The following CNTNAP2 variants were observed in gnomAD, a reference collection of about 807,000 sequenced individuals.
CNTNAP2 encodes the protein contactin associated protein 2.
Under a neutral mutation model 155.2 loss-of-function variants are expected in CNTNAP2, and 98 were observed. The observed-to-expected ratio is 0.63, with a 90% confidence interval of 0.54 to 0.75. The LOEUF (loss-of-function observed/expected upper bound fraction) is 0.75, where lower values mean the gene tolerates loss of function less well. Ranked by LOEUF, CNTNAP2 falls within the 30% of genes least tolerant of loss-of-function variation. The pLI is 0.00. For missense variants in CNTNAP2, 1,727 were observed against 1,688.1 expected, an observed-to-expected ratio of 1.02 and a Z score of -0.40; for synonymous variants, 651 against 631.2, an observed-to-expected ratio of 1.03 and a Z score of -0.47.
In CNTNAP2 at chr7:147,781,711, C is replaced by T. The variant is rs1451753478; in HGVS notation, c.2099-121854C>T. Among the ~76,000 whole-genome samples the T allele has an allele frequency of 3.3e-5, 5 of 152,136 alleles. No individual in the cohort carries two copies. The East Asian group carries it at 9.6e-4, about 29-fold the overall frequency. ...CTAAAAGCTTACTAGTCAAGGAAGC[C>T]TTTCATGCACCTGATAGAATCCTCC... is the stretch of plus-strand genomic sequence containing the variant. On this transcript the variant is annotated intron_variant, in intron 13 of 23. Coordinates refer to ENST00000361727, the MANE Select transcript of CNTNAP2 (RefSeq NM_014141.6).
intron 4 of CNTNAP2, among the ~76,000 whole-genome samples, chr7:147,067,822 T>C (rs1449594255): frequency 1.3e-5 from 2 of 152,248 alleles, no homozygotes; most frequent in Non-Finnish European, 2.9e-5. Context: ...CCTAATCCTC[T>C]CGATTCGCAT....
intron 8 of CNTNAP2, among the ~76,000 whole-genome samples, chr7:147,228,475 ATTAATCTTG>A (rs1159244156): frequency 2.0e-5 from 3 of 152,138 alleles, no homozygotes; most frequent in Non-Finnish European, 4.4e-5. Flanking sequence ...AGCAAGGACA[ATTAATCTTG>A]TTAAAAGAGG....
intron 10 of CNTNAP2, among the ~76,000 whole-genome samples, chr7:147,472,831 A>C (rs1425712817): frequency 1.3e-5 from 2 of 152,216 alleles, no homozygotes; most frequent in African/African-American, 4.8e-5. Context: ...ATTAGAGAAT[A>C]ACATCCAAAG....
chr7:147,283,425 C>T (rs566254075), intron 8 of CNTNAP2, among the ~76,000 whole-genome samples: 109 of 151,850 alleles, frequency 7.2e-4, no homozygotes, highest in African/African-American at 2.5e-3. Context: ...TTCATTTTAA[C>T]TAGAGGGATG....
intron 1 of CNTNAP2, among the ~76,000 whole-genome samples, chr7:146,596,625 GA>G (rs1270979959): frequency 2.7e-5 from 4 of 149,362 alleles, no homozygotes; most frequent in Non-Finnish European, 5.9e-5. Context: ...GAGAGAGAGA[GA>G]GAGAGAGAGA....
At chr7:147,142,645 A>G (rs1451070194) in intron 8 of CNTNAP2, among the ~76,000 whole-genome samples, 14 of 152,160 alleles carry the variant, frequency 9.2e-5, no homozygotes, top group African/African-American at 3.4e-4. Flanking sequence ...TTTCAGAAGG[A>G]ATGGCACCAG....
At chr7:146,989,561 A>G (rs1798173325) in intron 3 of CNTNAP2, among the ~76,000 whole-genome samples, 2 of 152,102 alleles carry the variant, frequency 1.3e-5, no homozygotes, top group African/African-American at 2.4e-5. Flanking sequence ...AAAAGCTATT[A>G]TACATGATCA....
intron 21 of CNTNAP2, among the ~76,000 whole-genome samples, chr7:148,283,259 GAA>G (rs371469453): frequency 2.6e-5 from 1 of 39,144 alleles, no homozygotes; most frequent in Non-Finnish European, 4.5e-5. Context: ...AAAAAAAAAA[GAA>G]AGAAAGAAAG....
At chr7:147,461,289 A>G (rs1311921996) in intron 10 of CNTNAP2, among the ~76,000 whole-genome samples, 1 of 152,210 alleles carries the variant, frequency 6.6e-6, no homozygotes, top group East Asian at 1.9e-4. Flanking sequence ...ACAAACCCCT[A>G]AAAACAAACA....
Position 146,352,905 on chromosome 7 carries a change from C to T in CNTNAP2, c.97+235932C>T, listed in dbSNP as rs558432417. Among the ~76,000 whole-genome samples, 381 of 151,384 alleles carry T rather than the reference C, an allele frequency of 2.5e-3. 1 individual carries two copies. The highest frequency in any genetic ancestry group is 8.9e-3 in the African/African-American group (367 of 41,048). Reference sequence around the variant, plus strand: ...TAGTCGCTAGGACTACAGGCACCCGCCACCACGCCCGGCTAATTTTTTGTA... The same window carrying T: ...TAGTCGCTAGGACTACAGGCACCCGTCACCACGCCCGGCTAATTTTTTGTA... On this transcript the variant is annotated intron_variant, in intron 1 of 23. Transcript: ENST00000361727.
intron 3 of CNTNAP2, among the ~76,000 whole-genome samples, chr7:146,930,415 C>T (rs894881222): frequency 1.2e-4 from 19 of 152,004 alleles, no homozygotes; most frequent in Admixed American, 4.6e-4. Context: ...ACCAGGCCTG[C>T]CCTAAAAGAG....
chr7:147,197,251 T>G (rs1304627052), intron 8 of CNTNAP2, among the ~76,000 whole-genome samples: 1 of 152,066 alleles, frequency 6.6e-6, no homozygotes, highest in Admixed American at 6.6e-5. Context: ...ATACACCAAG[T>G]AACCAATGGA....
intron 4 of CNTNAP2, among the ~76,000 whole-genome samples, chr7:147,078,174 G>A (rs918013193): frequency 3.9e-5 from 6 of 152,132 alleles, no homozygotes; most frequent in Non-Finnish European, 7.4e-5. Context: ...TATCTCTGCT[G>A]CAAAATATAC....
chr7:147,332,074 AT>A (rs1187080733), intron 9 of CNTNAP2, among the ~76,000 whole-genome samples: 1 of 152,200 alleles, frequency 6.6e-6, no homozygotes, highest in Non-Finnish European at 1.5e-5. Context: ...AAATGAGAAC[AT>A]TGTTATTTGC....
intron 8 of CNTNAP2, among the ~76,000 whole-genome samples, chr7:147,179,875 G>T (rs1802419693): frequency 6.6e-6 from 1 of 150,514 alleles, no homozygotes; most frequent in African/African-American, 2.4e-5. Context: ...AGGCATTTTT[G>T]AGAAGAAAAT....
At chr7:147,335,313 T>A (rs925825072) in intron 9 of CNTNAP2, among the ~76,000 whole-genome samples, 3 of 152,202 alleles carry the variant, frequency 2.0e-5, no homozygotes, top group Admixed American at 6.5e-5. Context: ...TTATTTGGTT[T>A]CTGTTTTTCT....
intron 21 of CNTNAP2, among the ~76,000 whole-genome samples, chr7:148,310,456 A>G (rs1328726813): frequency 6.6e-6 from 1 of 152,214 alleles, no homozygotes; most frequent in Non-Finnish European, 1.5e-5. Context: ...GTCATTAGAG[A>G]GGCTACGGAA....
intron 10 of CNTNAP2, among the ~76,000 whole-genome samples, chr7:147,452,595 T>C (rs1797851560): frequency 6.6e-6 from 1 of 152,220 alleles, no homozygotes. Context: ...TATTTACATA[T>C]GAAAAGAAGT....
chr7:147,513,140 A>T (rs929048279), intron 11 of CNTNAP2, among the ~76,000 whole-genome samples: 2 of 152,180 alleles, frequency 1.3e-5, no homozygotes, highest in Non-Finnish European at 2.9e-5. Context: ...AATCAAATGA[A>T]AATCTATTAT....
Sources: gnomAD v4.1 joint callset for allele counts (sites outside exome capture counted in the v4.1 genomes callset) on GRCh38, gnomAD v4.1.1 for gene constraint, MANE v1.5 for transcripts, NCBI Gene and HGNC (gene_info 2026-07-23, HGNC 2026-07-21) for gene names.